SYN2: variants seen among roughly 807,000 people sequenced by gnomAD.
The protein encoded by SYN2 is synapsin-2.
A neutral mutation model predicts 50.9 loss-of-function variants in SYN2; 19 were observed. That is an observed-to-expected ratio of 0.37 (90% CI 0.26 to 0.55). The LOEUF is 0.55. Ranked by LOEUF, SYN2 falls within the 20% of genes least tolerant of loss-of-function variation. SYN2 has a pLI of 0.81. For missense variants in SYN2, 587 were observed against 576.4 expected (o/e 1.02, Z -0.19); for synonymous variants, 255 against 224.9 (o/e 1.13, Z -1.20).
In SYN2 at chr3:12,144,897, G is replaced by C. The variant is rs187730310; in HGVS notation, c.528-782G>C. ...CTACAAAAAATTATCTGAGCATATT[G>C]GTGTGTGCCTGTAATTCCAGCTACT... is the stretch of plus-strand genomic sequence containing the variant. On this transcript the variant is annotated intron_variant, in intron 3 of 12. Coordinates refer to ENST00000621198, the MANE Select transcript of SYN2 (RefSeq NM_133625.6). 2.1e-4 allele frequency among the ~76,000 whole-genome samples: 32 copies of C among 152,220 alleles called. No individual in the cohort carries two copies. In the East Asian group the frequency reaches 5.6e-3, roughly 27 times the overall value.
chr3:12,169,708 A>G (rs1697893643), intron 9 of SYN2, 49 bp from the exon 10 acceptor site: 4 of 1,604,594 alleles, frequency 2.5e-6, no homozygotes, highest in South Asian at 2.2e-5. Context: ...GTACCAGGCC[A>G]TTTATGTTTC....
At chr3:12,185,188 G>C (rs1292220460) in intron 11 of SYN2, 1 of 985,694 alleles carries the variant, frequency 1.0e-6, no homozygotes, top group East Asian at 1.1e-4. Context: ...ATAAGAATCA[G>C]GTCCTTAAAT....
At chr3:12,023,717 C>T (rs1694196044) in intron 1 of SYN2, among the ~76,000 whole-genome samples, 1 of 152,120 alleles carries the variant, frequency 6.6e-6, no homozygotes, top group Non-Finnish European at 1.5e-5. Flanking sequence ...TTGATAAGTG[C>T]TGTACTTAAG....
chr3:12,056,287 G>C (rs1359979479), intron 1 of SYN2, among the ~76,000 whole-genome samples: 1 of 152,108 alleles, frequency 6.6e-6, no homozygotes, highest in African/African-American at 2.4e-5. Context: ...TGCGGGGAAG[G>C]AGGGGGTCAA....
chr3:12,052,142 T>C (rs1694877812), intron 1 of SYN2, among the ~76,000 whole-genome samples: 3 of 152,248 alleles, frequency 2.0e-5, no homozygotes, highest in Admixed American at 1.3e-4. Context: ...AAACATTTAT[T>C]GAATGCTAGC....
intron 1 of SYN2, among the ~76,000 whole-genome samples, chr3:12,132,488 A>G (rs1696816645): frequency 6.6e-6 from 1 of 152,172 alleles, no homozygotes; most frequent in Non-Finnish European, 1.5e-5. Flanking sequence ...ATCTGAGATG[A>G]GTGATTTGAT....
chr3:12,026,115 G>T (rs116084917), intron 1 of SYN2, among the ~76,000 whole-genome samples: 1 of 152,102 alleles, frequency 6.6e-6, no homozygotes, highest in Admixed American at 6.6e-5. Context: ...TTGGGTTGGG[G>T]TCAGTGGTTC....
chr3:12,145,701 C>A lies in SYN2; in HGVS notation c.550C>A (p.Leu184Ile), dbSNP rs1414580662. ...VVRSFRPDFV[L>I]IRQHAFGMAE... Reference sequence around the variant, plus strand: ...CAGGTCCTTCCGGCCAGACTTCGTGCTCATCCGGCAGCATGCATTTGGCAT... The same window carrying A: ...CAGGTCCTTCCGGCCAGACTTCGTGATCATCCGGCAGCATGCATTTGGCAT... The change falls in exon 4 of 13, where the codon CTC becomes ATC. Residue 184 changes from leucine to isoleucine, a missense_variant. Physicochemically the swap from Leu to Ile is conservative, Grantham distance 5 (BLOSUM62 2). Transcript: ENST00000621198. 5 of 1,613,878 alleles carry A rather than the reference C, an allele frequency of 3.1e-6. No homozygotes were observed. The African/African-American group carries it at 6.7e-5, about 22-fold the overall frequency.
intron 1 of SYN2, among the ~76,000 whole-genome samples, chr3:12,038,907 C>G (rs764746111): frequency 6.6e-6 from 1 of 152,080 alleles, no homozygotes; most frequent in Non-Finnish European, 1.5e-5. Context: ...TAATTTCTTT[C>G]TCCTGGCTAA....
chr3:12,167,318 GAGA>G lies in SYN2; in HGVS notation c.1055+13_1055+15del, dbSNP rs766324669. 5.0e-6 allele frequency: 8 copies of G among 1,609,516 alleles called. No homozygotes were observed. Among genetic ancestry groups the G allele is most frequent in the African/African-American group, 4.0e-5 (3 of 75,000 alleles). On this transcript the variant is annotated intron_variant, in intron 8 of 12. Transcript: ENST00000621198. ...TTGCCATGTCAGACAGGTGAGTTGA[GAGA>G]AGGAGTCCAGTTTCCAGCCCAGTGA...
chr3:12,150,945 T>G (rs117082374), intron 4 of SYN2, among the ~76,000 whole-genome samples: 1 of 152,192 alleles, frequency 6.6e-6, no homozygotes, highest in Admixed American at 6.5e-5. Context: ...TTGTATCCTC[T>G]CTGGGCCCCA....
intron 5 of SYN2, chr3:12,153,767 T>G: frequency 1.9e-6 from 3 of 1,592,514 alleles, no homozygotes; most frequent in Admixed American, 3.3e-5. Context: ...CTTTTTCCAT[T>G]GCTGCCTTTC....
chr3:12,149,781 T>G (rs1697234206), intron 4 of SYN2, among the ~76,000 whole-genome samples: 1 of 152,082 alleles, frequency 6.6e-6, no homozygotes, highest in Non-Finnish European at 1.5e-5. Context: ...TTTCCAGCAT[T>G]TCAAAAATAA....
intron 5 of SYN2, among the ~76,000 whole-genome samples, chr3:12,155,951 C>T (rs1479629528): frequency 1.3e-5 from 2 of 152,178 alleles, no homozygotes; most frequent in Admixed American, 1.3e-4. Context: ...TGTACAATTC[C>T]ACATCCTCAG....
At chr3:12,178,398 G>T (rs1487564675) in intron 10 of SYN2, among the ~76,000 whole-genome samples, 1 of 152,154 alleles carries the variant, frequency 6.6e-6, no homozygotes, top group Admixed American at 6.6e-5. Context: ...CCTTTCTCCA[G>T]CTTGTCTGCC....
intron 1 of SYN2, among the ~76,000 whole-genome samples, chr3:12,117,357 C>G (rs1179206685): frequency 6.6e-6 from 1 of 152,158 alleles, no homozygotes; most frequent in East Asian, 1.9e-4. Flanking sequence ...TTTTGAGTGA[C>G]AACTTTCTTA....
chr3:12,054,118 G>A (rs1450398123), intron 1 of SYN2, among the ~76,000 whole-genome samples: 1 of 152,164 alleles, frequency 6.6e-6, no homozygotes, highest in Non-Finnish European at 1.5e-5. Context: ...ATAACAACTG[G>A]TCATTTGGCA....
At chr3:12,025,306 A>T (rs1232759555) in intron 1 of SYN2, among the ~76,000 whole-genome samples, 1 of 152,190 alleles carries the variant, frequency 6.6e-6, no homozygotes, top group African/African-American at 2.4e-5. Context: ...GTCCATAGCA[A>T]CGTGGTATTG....
At chr3:12,183,643 T>C (rs1045682161) in intron 11 of SYN2, 4 of 1,407,020 alleles carry the variant, frequency 2.8e-6, no homozygotes, top group African/African-American at 1.5e-5. Flanking sequence ...TGCTCACTTA[T>C]GTTTTCTCTG....
Sources: allele counts gnomAD v4.1 joint callset (sites outside exome capture counted in the v4.1 genomes callset), GRCh38; gene constraint gnomAD v4.1.1; transcripts MANE v1.5; gene names NCBI Gene and HGNC (gene_info 2026-07-23, HGNC 2026-07-21).